ITGA9: variants seen among roughly 807,000 people sequenced by gnomAD.
ITGA9 encodes the protein integrin subunit alpha 9.
In ITGA9, 56 loss-of-function variants were observed where a neutral mutation model predicts 127.8. The observed-to-expected ratio is 0.44, with a 90% CI of 0.35 to 0.55. The LOEUF is 0.55. Among genes scored for constraint, ITGA9 ranks in the 20% least tolerant of loss-of-function variants. ITGA9 has a pLI of 0.00. For synonymous variants in ITGA9, 508 were observed against 514.5 expected, an observed-to-expected ratio of 0.99 and a Z score of 0.17; for missense variants, 1,196 against 1,347.1, an observed-to-expected ratio of 0.89 and a Z score of 1.76.
intron 14 of ITGA9, among the ~76,000 whole-genome samples, chr3:37,535,790 A>G (rs959571812): frequency 6.6e-6 from 1 of 152,178 alleles, no homozygotes. Context: ...GAGAATTTTG[A>G]TATCTCAATA....
chr3:37,733,358 C>T (rs1696319995), intron 19 of ITGA9, among the ~76,000 whole-genome samples: 1 of 152,046 alleles, frequency 6.6e-6, no homozygotes, highest in South Asian at 2.1e-4. Flanking sequence ...TTCAGACATT[C>T]ATGGAACATT....
intron 23 of ITGA9, among the ~76,000 whole-genome samples, chr3:37,762,241 AT>A (rs1272207902): frequency 3.9e-5 from 6 of 152,202 alleles, no homozygotes; most frequent in Non-Finnish European, 7.3e-5. Flanking sequence ...TCACTGAAAA[AT>A]CAACTCAGAA....
intron 14 of ITGA9, among the ~76,000 whole-genome samples, chr3:37,535,049 T>G (rs1699194890): frequency 6.6e-6 from 1 of 152,246 alleles, no homozygotes; most frequent in Non-Finnish European, 1.5e-5. Flanking sequence ...AAGATTAATT[T>G]TGATACACAT....
At chr3:37,779,723 G>C (rs1696952636) in intron 24 of ITGA9, among the ~76,000 whole-genome samples, 179 bp from the exon 25 acceptor site, 1 of 152,168 alleles carries the variant, frequency 6.6e-6, no homozygotes, top group African/African-American at 2.4e-5. Flanking sequence ...TTCCCACTGG[G>C]TGGGAAATCC....
chr3:37,787,395 C>T (rs937640030), intron 26 of ITGA9, among the ~76,000 whole-genome samples: 1 of 152,110 alleles, frequency 6.6e-6, no homozygotes, highest in Non-Finnish European at 1.5e-5. Flanking sequence ...CATCTGTACT[C>T]CCCCAAAATA....
chr3:37,563,181 TTGTG>T (rs1699511017), intron 15 of ITGA9, among the ~76,000 whole-genome samples: 1 of 152,204 alleles, frequency 6.6e-6, no homozygotes, highest in Non-Finnish European at 1.5e-5. Flanking sequence ...GAGTTAATTT[TTGTG>T]TGTTGTCCAG....
chr3:37,615,943 GT>G (rs1384116365), intron 15 of ITGA9, among the ~76,000 whole-genome samples: 1 of 152,002 alleles, frequency 6.6e-6, no homozygotes, highest in African/African-American at 2.4e-5. Flanking sequence ...TTTTTGAAGG[GT>G]TTTTTGTGTC....
chr3:37,538,335 G>T (rs1272668568), intron 14 of ITGA9, among the ~76,000 whole-genome samples: 3 of 152,252 alleles, frequency 2.0e-5, no homozygotes, highest in Non-Finnish European at 4.4e-5. Context: ...GCCCGTGCAG[G>T]GGGGCTCCTC....
At chr3:37,768,360 C>G (rs1336133204) in intron 23 of ITGA9, among the ~76,000 whole-genome samples, 1 of 152,184 alleles carries the variant, frequency 6.6e-6, no homozygotes, top group Non-Finnish European at 1.5e-5. Context: ...TGACTACTAT[C>G]TTTATTTCAA....
At chr3:37,750,647 G>A in intron 23 of ITGA9, 78 bp downstream of exon 23, 1 of 979,912 alleles carries the variant, frequency 1.0e-6, no homozygotes, top group Non-Finnish European at 1.6e-6. Context: ...ACCCTACCCT[G>A]ACATCCACCT....
chr3:37,560,034 G>T (rs1369324756), intron 15 of ITGA9, among the ~76,000 whole-genome samples: 1 of 152,178 alleles, frequency 6.6e-6, no homozygotes, highest in Non-Finnish European at 1.5e-5. Context: ...CATGTGCCAT[G>T]TTGGCTTGCT....
chr3:37,694,990 C>T (rs959477193), intron 18 of ITGA9, among the ~76,000 whole-genome samples: 2 of 152,130 alleles, frequency 1.3e-5, no homozygotes, highest in African/African-American at 4.8e-5. Context: ...TGGAGAGACG[C>T]AGGACAGGGC....
chr3:37,575,216 T>G (rs1157324777), intron 15 of ITGA9, among the ~76,000 whole-genome samples: 2 of 152,092 alleles, frequency 1.3e-5, no homozygotes. Flanking sequence ...AGATTCTAGA[T>G]TGTCCTGTTT....
intron 17 of ITGA9, among the ~76,000 whole-genome samples, chr3:37,669,799 C>T (rs1407440275): frequency 1.3e-5 from 2 of 152,172 alleles, no homozygotes; most frequent in African/African-American, 2.4e-5. Flanking sequence ...TTGCTCTGGA[C>T]ACCTCTTCCA....
chr3:37,674,654 G>A (rs546822839), intron 17 of ITGA9, among the ~76,000 whole-genome samples: 5 of 152,300 alleles, frequency 3.3e-5, no homozygotes, highest in African/African-American at 1.2e-4. Context: ...CACAGCATGA[G>A]CACACCTACC....
chr3:37,554,389 T>C (rs1357544367), intron 15 of ITGA9, among the ~76,000 whole-genome samples: 2 of 151,478 alleles, frequency 1.3e-5, no homozygotes, highest in African/African-American at 4.9e-5. Context: ...GGCAAAGAGG[T>C]CAGAGTGGCA....
At chr3:37,539,238 A>G (rs1699242968) in intron 14 of ITGA9, among the ~76,000 whole-genome samples, 1 of 152,244 alleles carries the variant, frequency 6.6e-6, no homozygotes, top group Admixed American at 6.5e-5. Flanking sequence ...CCCTGTGTTA[A>G]TATGGGTTCT....
At chr3:37,623,681 G>C (rs1367362523) in intron 15 of ITGA9, among the ~76,000 whole-genome samples, 3 of 104,568 alleles carry the variant, frequency 2.9e-5, no homozygotes, top group African/African-American at 1.1e-4. Context: ...GTATGTGTGT[G>C]TGTGTGTGTC....
At chr3:37,712,461 G>A (rs1364351222) in intron 18 of ITGA9, among the ~76,000 whole-genome samples, 4 of 152,178 alleles carry the variant, frequency 2.6e-5, no homozygotes, top group Non-Finnish European at 4.4e-5. Context: ...AACACTGTGA[G>A]GTATCTGTAC....
Sources: gnomAD v4.1 joint callset for allele counts (sites outside exome capture counted in the v4.1 genomes callset) on GRCh38, gnomAD v4.1.1 for gene constraint, MANE v1.5 for transcripts, NCBI Gene and HGNC (gene_info 2026-07-23, HGNC 2026-07-21) for gene names.